The following STIM2 variants were observed in gnomAD, a reference collection of about 807,000 sequenced individuals.
STIM2 encodes stromal interaction molecule 2.
In STIM2, 31 loss-of-function variants were observed where a neutral mutation model predicts 85.8. The ratio of observed to expected loss-of-function variants is 0.36; its 90% CI spans 0.27 to 0.49. The LOEUF is 0.49. STIM2 is among the 20% of genes least tolerant of loss of function. The pLI is 0.98. For synonymous variants in STIM2, 356 were observed against 331.1 expected (o/e 1.08, Z -0.82); for missense variants, 841 against 927.6 (o/e 0.91, Z 1.21).
At chr4:26,878,531 C>T (rs1043638156) in intron 1 of STIM2, among the ~76,000 whole-genome samples, 2 of 152,104 alleles carry the variant, frequency 1.3e-5, no homozygotes. Flanking sequence ...TTACCTGCTT[C>T]TCCTAGTCTG....
intron 1 of STIM2, among the ~76,000 whole-genome samples, chr4:26,886,856 T>C (rs1428529380): frequency 6.6e-6 from 1 of 152,314 alleles, no homozygotes; most frequent in East Asian, 1.9e-4. Context: ...GAAATGACAC[T>C]CTAGAAGGTC....
chr4:27,023,210 A>T lies in STIM2; in HGVS notation c.*214A>T, dbSNP rs1728972245. 1.9e-6 allele frequency: 1 copy of T among 540,146 alleles called. No homozygotes were observed. Among genetic ancestry groups the T allele is most frequent in the Non-Finnish European group, 3.3e-6 (1 of 303,760 alleles). The allele number at this position is 540,146 out of a possible 1,614,324, so 33.5% of individuals were successfully genotyped here. A position where few individuals can be genotyped will look rare whatever the true frequency, so the allele number is the denominator to read the frequency against. ...TAATCAATTCATCAAGCCAGTTATT[A>T]CTGAAAAATCATTGAAATGAGACAG... On this transcript the variant is annotated 3_prime_UTR_variant, in exon 12 of 12. Coordinates refer to ENST00000467087, the MANE Select transcript of STIM2 (RefSeq NM_020860.4).
In STIM2 at chr4:26,896,686, G is replaced by A. The variant is rs79322736; in HGVS notation, c.152-22818G>A. 7.1e-4 allele frequency among the ~76,000 whole-genome samples: 108 copies of A among 152,198 alleles called. No homozygotes were observed. In the East Asian group the frequency reaches 0.016, roughly 23 times the overall value. ...ATAAATATAGTACATTATCAAAACC[G>A]GGGAAAACTGATAGTAGCATAATAC... On this transcript the variant is annotated intron_variant, in intron 1 of 11. Transcript: ENST00000467087.
At chr4:26,930,758 G>T (rs542734385) in intron 2 of STIM2, among the ~76,000 whole-genome samples, 1 of 152,214 alleles carries the variant, frequency 6.6e-6, no homozygotes, top group East Asian at 1.9e-4. Flanking sequence ...GAATTATGTG[G>T]GGTATTGTGT....
rs1303326519 is a variant in STIM2, at chr4:26,997,500, C to T, written c.510-1732C>T. On this transcript the variant is annotated intron_variant, in intron 4 of 11. Transcript: ENST00000467087. ...TTCAGGCCTATGTGGCCTTCCCTGA[C>T]ACCCTCACCCACTCAGGTGGAATCA... is the stretch of plus-strand genomic sequence containing the variant. Among the ~76,000 whole-genome samples the T allele has an allele frequency of 3.3e-5, 5 of 152,332 alleles. No homozygotes were observed. In the East Asian group the frequency reaches 9.6e-4, roughly 29 times the overall value.
chr4:26,992,917 A>G (rs1430442005), intron 3 of STIM2, among the ~76,000 whole-genome samples: 1 of 152,084 alleles, frequency 6.6e-6, no homozygotes, highest in Non-Finnish European at 1.5e-5. Context: ...ACAATTTTCA[A>G]TTTGCTAAGC....
At chr4:26,998,571 T>C (rs1246645391) in intron 4 of STIM2, among the ~76,000 whole-genome samples, 2 of 152,178 alleles carry the variant, frequency 1.3e-5, no homozygotes, top group Admixed American at 6.5e-5. Context: ...TTTATTATCC[T>C]TTGTGAAAGG....
chr4:26,944,526 T>G (rs1725740398), intron 2 of STIM2, among the ~76,000 whole-genome samples: 1 of 152,188 alleles, frequency 6.6e-6, no homozygotes, highest in Admixed American at 6.5e-5. Context: ...AATAATTGCA[T>G]TGTGCATTCA....
intron 2 of STIM2, among the ~76,000 whole-genome samples, chr4:26,920,145 C>G (rs1333887942): frequency 6.6e-6 from 1 of 152,166 alleles, no homozygotes; most frequent in Admixed American, 6.5e-5. Context: ...TCTCATCATT[C>G]AGGAGCCTAG....
At chr4:26,909,226 A>G (rs1724240940) in intron 1 of STIM2, among the ~76,000 whole-genome samples, 1 of 152,224 alleles carries the variant, frequency 6.6e-6, no homozygotes, top group Admixed American at 6.5e-5. Context: ...CTCTCTGTCC[A>G]TGATAGTATT....
chr4:26,945,132 T>A (rs772060742), intron 2 of STIM2, among the ~76,000 whole-genome samples: 3 of 152,194 alleles, frequency 2.0e-5, no homozygotes, highest in Non-Finnish European at 4.4e-5. Context: ...GTGTGTGTTG[T>A]TCCCCTCCAT....
Position 26,957,601 on chromosome 4 carries a change from C to T in STIM2, c.283-11C>T, listed in dbSNP as rs748740153. 4 of 1,389,306 alleles carry T rather than the reference C, an allele frequency of 2.9e-6. No individual in the cohort carries two copies. The South Asian group carries it at 5.7e-5, about 20-fold the overall frequency. 86.1% of individuals were successfully genotyped at this position (1,389,306 alleles called of 1,614,324 possible). ...GAATTTATATTTAACTTAATGTTTT[C>T]TCTTCTATAGTTCATCAGAGAAGAT... is the stretch of plus-strand genomic sequence containing the variant. On this transcript the variant is annotated splice_polypyrimidine_tract_variant and intron_variant, in intron 2 of 11. Transcript: ENST00000467087.
chr4:26,942,306 T>A (rs1360569523), intron 2 of STIM2, among the ~76,000 whole-genome samples: 1 of 152,134 alleles, frequency 6.6e-6, no homozygotes. Flanking sequence ...TTTTGCAATT[T>A]TTCTCTCCTC....
intron 3 of STIM2, among the ~76,000 whole-genome samples, chr4:26,959,622 G>A (rs1357392567): frequency 6.6e-6 from 1 of 152,050 alleles, no homozygotes; most frequent in African/African-American, 2.4e-5. Context: ...CCTAAATAAA[G>A]AGGACTCTAT....
At chr4:26,918,655 C>A (rs1194723209) in intron 1 of STIM2, among the ~76,000 whole-genome samples, 1 of 152,144 alleles carries the variant, frequency 6.6e-6, no homozygotes, top group East Asian at 1.9e-4. Context: ...GTCAGCCAGA[C>A]TGGGTATAAG....
At chr4:27,002,139 T>C (rs1338460644) in intron 5 of STIM2, 78 bp from the exon 6 acceptor site, 1 of 1,392,568 alleles carries the variant, frequency 7.2e-7, no homozygotes, top group African/African-American at 1.5e-5. Flanking sequence ...TTTTAGATAC[T>C]ACTTAAAAAA....
At chr4:26,993,039 T>C (rs997024439) in intron 3 of STIM2, among the ~76,000 whole-genome samples, 1 of 152,122 alleles carries the variant, frequency 6.6e-6, no homozygotes. Flanking sequence ...TGCTGAAGTG[T>C]TTAGATCAGG....
chr4:26,923,808 C>T (rs1276258550), intron 2 of STIM2, among the ~76,000 whole-genome samples: 1 of 2,098 alleles, frequency 4.8e-4, no homozygotes, highest in Non-Finnish European at 1.0e-3. Context: ...CACACATAGG[C>T]TCAAAATAAA....
intron 2 of STIM2, among the ~76,000 whole-genome samples, chr4:26,928,129 G>A (rs1725051593): frequency 6.6e-6 from 1 of 151,934 alleles, no homozygotes; most frequent in African/African-American, 2.4e-5. Flanking sequence ...AGAGGCAAAA[G>A]GTGTGTAACT....
Sources: allele counts gnomAD v4.1 joint callset (sites outside exome capture counted in the v4.1 genomes callset), GRCh38; gene constraint gnomAD v4.1.1; transcripts MANE v1.5; gene names NCBI Gene and HGNC (gene_info 2026-07-23, HGNC 2026-07-21).